STYXL2: variants seen among roughly 807,000 people sequenced by gnomAD.
The protein encoded by STYXL2 is serine/threonine/tyrosine interacting like 2.
In STYXL2, 44 loss-of-function variants were observed where a neutral mutation model predicts 52.4. The ratio of observed to expected loss-of-function variants is 0.84; its 90% CI spans 0.66 to 1.08. The LOEUF (loss-of-function observed/expected upper bound fraction) is 1.08, where lower values mean the gene tolerates loss of function less well. STYXL2 is among the 50% of genes least tolerant of loss of function. The pLI, the probability that STYXL2 is intolerant of heterozygous loss-of-function variation, is 0.00. For synonymous variants in STYXL2, 604 were observed against 586.9 expected (o/e 1.03, Z -0.42); for missense variants, 1,604 against 1,471.7 (o/e 1.09, Z -1.47).
At chr1:167,118,274 C>T (rs1667773352) in intron 4 of STYXL2, among the ~76,000 whole-genome samples, 1 of 152,124 alleles carries the variant, frequency 6.6e-6, no homozygotes, top group South Asian at 2.1e-4. Flanking sequence ...TTTAGGATGC[C>T]AGTGCATAAT....
rs764038756 is a variant in STYXL2 at position 167,128,301 on chromosome 1, C to T, written c.3170C>T (p.Pro1057Leu). ...ESSEREESPE[P>L]QRPNWARSRD... is the part of the protein sequence containing the mutation. ...TCAGAAAGGGAAGAGTCCCCAGAACCACAGCGCCCAAATTGGGCCAGGTCC... is the reference window on the plus strand; with the variant it reads ...TCAGAAAGGGAAGAGTCCCCAGAACTACAGCGCCCAAATTGGGCCAGGTCC... Residue 1057 changes from proline to leucine, a missense_variant, in exon 6 of 6, where the codon CCA becomes CTA. Physicochemically the swap from Pro to Leu is moderately conservative, Grantham distance 98. Coordinates refer to ENST00000361200, the MANE Select transcript of STYXL2 (RefSeq NM_001080426.3). 25 of 1,613,970 alleles carry T rather than the reference C, an allele frequency of 1.5e-5. No individual in the cohort carries two copies. Among genetic ancestry groups the T allele is most frequent in the Non-Finnish European group, 2.0e-5 (24 of 1,179,908 alleles).
At chr1:167,121,169 C>A (rs1337246393) in intron 5 of STYXL2, among the ~76,000 whole-genome samples, 1 of 151,826 alleles carries the variant, frequency 6.6e-6, no homozygotes, top group Non-Finnish European at 1.5e-5. Flanking sequence ...CCCACTACCA[C>A]GCCCAGCTAA....
intron 1 of STYXL2, 189 bp downstream of exon 1, chr1:167,094,383 G>C (rs1667234860): frequency 5.8e-6 from 1 of 171,866 alleles, no homozygotes; most frequent in Non-Finnish European, 1.3e-5. Context: ...GCCTTGGTTA[G>C]AGACACCGAA....
At chr1:167,114,704 G>A (rs1177904698) in intron 3 of STYXL2, among the ~76,000 whole-genome samples, 2 of 152,200 alleles carry the variant, frequency 1.3e-5, no homozygotes, top group African/African-American at 2.4e-5. Context: ...GTTGCTCACT[G>A]TTCTGGGCAC....
At position 167,128,796 on chromosome 1, in the gene STYXL2, A is replaced by C. The variant is rs1668031826; in HGVS notation, c.*188A>C. 3 of 895,816 alleles carry C rather than the reference A, an allele frequency of 3.3e-6. No individual in the cohort carries two copies. The highest frequency in any genetic ancestry group is 4.9e-6 in the Non-Finnish European group (3 of 618,138). The allele number at this position is 895,816 out of a possible 1,614,324, so 55.5% of individuals were successfully genotyped here. On this transcript the variant is annotated 3_prime_UTR_variant, in exon 6 of 6. Coordinates refer to ENST00000361200, the MANE Select transcript of STYXL2 (RefSeq NM_001080426.3). The stretch of plus-strand genomic sequence containing the variant: ...TAGGGAGGAGGCAAGGAGGGGGAGA[A>C]CCATCAATACGAATACGAGGTCCGA...
intron 2 of STYXL2, among the ~76,000 whole-genome samples, chr1:167,105,290 C>T (rs904956878): frequency 6.6e-6 from 1 of 152,242 alleles, no homozygotes; most frequent in Admixed American, 6.5e-5. Flanking sequence ...AAGCAAGCTG[C>T]ACCACTCTCC....
chr1:167,125,672 T>G, intron 5 of STYXL2, 115 bp from the exon 6 acceptor site: 1 of 1,402,052 alleles, frequency 7.1e-7, no homozygotes, highest in Non-Finnish European at 9.2e-7. Context: ...AGAGGCAAAG[T>G]AAACACCTTA....
Position 167,127,350 on chromosome 1 carries a change from A to C in STYXL2, c.2219A>C (p.Asn740Thr), listed in dbSNP as rs1667997509. The change falls in exon 6 of 6, where the codon AAT becomes ACT. Residue 740 changes from asparagine to threonine, a missense_variant. Physicochemically the swap from Asn to Thr is moderately conservative, Grantham distance 65 (BLOSUM62 0). Transcript: ENST00000361200. ...AGTGAGACCCTTGCTCAGAAGCAAA[A>C]TGAAATGCTGCTGTTGTCCCGCTCA... ...VVSETLAQKQ[N>T]EMLLLSRSPS... 1 of 1,614,068 alleles carries C rather than the reference A, an allele frequency of 6.2e-7. No individual in the cohort carries two copies. The highest frequency in any genetic ancestry group is 1.3e-5 in the African/African-American group (1 of 74,926).
Position 167,119,354 on chromosome 1 carries a change from C to T in STYXL2, c.543C>T (p.Gly181=). 6.2e-7 allele frequency: 1 copy of T among 1,614,220 alleles called. No individual in the cohort carries two copies. Among genetic ancestry groups the T allele is most frequent in the Non-Finnish European group, 8.5e-7 (1 of 1,180,034 alleles). Residue 181 remains glycine (G), a synonymous_variant, in exon 5 of 6, where the codon GGC becomes GGT. Transcript: ENST00000361200. ...ACACTGGCCCCGAATTCTACACTGG[C>T]CTGGAGATCCAGTACCTGGGTGTAG... The part of the protein sequence containing the change: ...GVYTGPEFYT[G]LEIQYLGVEV...
chr1:167,128,207 TACA>T lies in STYXL2; in HGVS notation c.3079_3081del (p.Asn1027del). 6.2e-7 allele frequency: 1 copy of T among 1,614,148 alleles called. No individual in the cohort carries two copies. The highest frequency in any genetic ancestry group is 8.5e-7 in the Non-Finnish European group (1 of 1,180,034). On this transcript the variant is annotated inframe_deletion, in exon 6 of 6. Coordinates refer to ENST00000361200, the MANE Select transcript of STYXL2 (RefSeq NM_001080426.3). Reference sequence around the variant, plus strand: ...GATGCACAAGTTCTCCAGGTCCACGTACAACGAGACCTCAAGTTCCCGAGAGGA... The same window carrying T: ...GATGCACAAGTTCTCCAGGTCCACGTACGAGACCTCAAGTTCCCGAGAGGA...
In STYXL2 at chr1:167,111,469, CATATATAT is replaced by C. The variant is rs776014246; in HGVS notation, c.111-2203_111-2196del. Among the ~76,000 whole-genome samples the C allele has an allele frequency of 1.9e-3, 148 of 79,904 alleles. 1 individual carries two copies. The highest frequency in any genetic ancestry group is 5.7e-3 in the South Asian group (12 of 2,118). The allele number at this position is 79,904 out of a possible 152,430, so 52.4% of individuals were successfully genotyped here. A position where few individuals can be genotyped will look rare whatever the true frequency, so the allele number is the denominator to read the frequency against. On this transcript the variant is annotated intron_variant, in intron 2 of 5. Transcript: ENST00000361200. ...ACAAGTGGATAAGGAAAATATGGTA[CATATATAT>C]ATATATATATATATATATATATATA...
chr1:167,099,850 A>G (rs1462399512), intron 2 of STYXL2, among the ~76,000 whole-genome samples: 2 of 152,282 alleles, frequency 1.3e-5, no homozygotes, highest in Admixed American at 6.5e-5. Context: ...GTCATTAAGG[A>G]TATAGGATGT....
chr1:167,101,530 A>G (rs1318852364), intron 2 of STYXL2, among the ~76,000 whole-genome samples: 1 of 152,194 alleles, frequency 6.6e-6, no homozygotes, highest in East Asian at 1.9e-4. Context: ...TCTGCAGGGC[A>G]CAGTGGCTCA....
chr1:167,118,091 T>C (rs2102239895), intron 4 of STYXL2, among the ~76,000 whole-genome samples: 1 of 152,346 alleles, frequency 6.6e-6, no homozygotes, highest in East Asian at 1.9e-4. Flanking sequence ...ATGTGAACAA[T>C]GTTTCTCTCT....
At position 167,128,800 on chromosome 1, in the gene STYXL2, T is replaced by C; in HGVS notation, c.*192T>C. On this transcript the variant is annotated 3_prime_UTR_variant, in exon 6 of 6. Transcript: ENST00000361200. ...GAGGAGGCAAGGAGGGGGAGAACCA[T>C]CAATACGAATACGAGGTCCGAATGC... The C allele has an allele frequency of 1.2e-6, 1 of 867,436 alleles. No homozygotes were observed. The allele number at this position is 867,436 out of a possible 1,614,324, so 53.7% of individuals were successfully genotyped here.
At chr1:167,118,102 G>A (rs536978183) in intron 4 of STYXL2, among the ~76,000 whole-genome samples, 3 of 152,298 alleles carry the variant, frequency 2.0e-5, no homozygotes, top group Non-Finnish European at 2.9e-5. Context: ...GTTTCTCTCT[G>A]GGAGGTGTTT....
chr1:167,104,425 G>T (rs904443398), intron 2 of STYXL2, among the ~76,000 whole-genome samples: 2 of 152,130 alleles, frequency 1.3e-5, no homozygotes, highest in Non-Finnish European at 2.9e-5. Flanking sequence ...TGTTTCCCTT[G>T]ACCTTCAGTG....
At chr1:167,122,974 C>T (rs267742) in intron 5 of STYXL2, among the ~76,000 whole-genome samples, 74,052 of 152,096 alleles carry the variant, frequency 0.49, 20,648 homozygotes, top group East Asian at 0.9. Context: ...CCTGTACTTT[C>T]CAAATTTTAA....
rs987594557 is a variant in STYXL2, at chr1:167,117,813, G to T, written c.437+254G>T. 3.3e-5 allele frequency among the ~76,000 whole-genome samples: 5 copies of T among 152,126 alleles called. No individual in the cohort carries two copies. In the East Asian group the frequency reaches 9.6e-4, roughly 29 times the overall value. On this transcript the variant is annotated intron_variant, in intron 4 of 5. Transcript: ENST00000361200. ...CAGGACTCTCTTGTCCCTCAAGAAG[G>T]CCTCTGGGCCTCCTTTCCTGCCACA...
Sources: allele counts gnomAD v4.1 joint callset (sites outside exome capture counted in the v4.1 genomes callset), GRCh38; gene constraint gnomAD v4.1.1; transcripts MANE v1.5; gene names NCBI Gene and HGNC (gene_info 2026-07-23, HGNC 2026-07-21).